Variants in CDH18 observed in about 807,000 individuals in gnomAD.
The protein encoded by CDH18 is cadherin-18.
CDH18 carries 31 observed loss-of-function variants against 67.9 expected under a neutral mutation model. The ratio of observed to expected loss-of-function variants is 0.46; its 90% CI spans 0.34 to 0.62. CDH18 has a LOEUF of 0.62. Ranked by LOEUF, CDH18 falls within the 20% of genes least tolerant of loss-of-function variation. The pLI, the probability that CDH18 is intolerant of heterozygous loss-of-function variation, is 0.01. For missense variants in CDH18, 890 were observed against 975.5 expected, an observed-to-expected ratio of 0.91 and a Z score of 1.17; for synonymous variants, 362 against 347.2, an observed-to-expected ratio of 1.04 and a Z score of -0.48.
At chr5:20,391,460 T>C (rs1202758412) in intron 1 of CDH18, among the ~76,000 whole-genome samples, 2 of 152,064 alleles carry the variant, frequency 1.3e-5, no homozygotes, top group African/African-American at 4.8e-5. Context: ...GACACATTAA[T>C]GTGCTATATA....
intron 2 of CDH18, among the ~76,000 whole-genome samples, chr5:19,946,622 T>A (rs1161111814): frequency 6.6e-6 from 1 of 152,172 alleles, no homozygotes; most frequent in Admixed American, 6.5e-5. Flanking sequence ...ATATCCAACA[T>A]GCTCCCAAGC....
At chr5:20,523,550 T>C (rs1755876241) in intron 1 of CDH18, among the ~76,000 whole-genome samples, 1 of 152,168 alleles carries the variant, frequency 6.6e-6, no homozygotes, top group South Asian at 2.1e-4. Flanking sequence ...GATCATAACT[T>C]ATTTTTTTTA....
intron 2 of CDH18, among the ~76,000 whole-genome samples, chr5:20,000,942 T>A (rs1736392587): frequency 6.6e-6 from 1 of 152,184 alleles, no homozygotes; most frequent in African/African-American, 2.4e-5. Flanking sequence ...TGTAACTTTA[T>A]ATGACTAATT....
chr5:20,116,787 A>G (rs774263415), intron 2 of CDH18, among the ~76,000 whole-genome samples: 10 of 152,204 alleles, frequency 6.6e-5, no homozygotes, highest in Non-Finnish European at 1.5e-4. Context: ...ATATGGAAAC[A>G]GGACTTAACT....
At chr5:19,943,898 T>G (rs1795062846) in intron 2 of CDH18, among the ~76,000 whole-genome samples, 1 of 152,042 alleles carries the variant, frequency 6.6e-6, no homozygotes, top group Non-Finnish European at 1.5e-5. Context: ...ATATAAGCAG[T>G]TTTTTTCTAA....
rs1274599741 is a variant in CDH18, at chr5:19,863,405, A to C, written c.-256-24163T>G. Among the ~76,000 whole-genome samples, 3 of 152,178 alleles carry C rather than the reference A, an allele frequency of 2.0e-5. No individual in the cohort carries two copies. The East Asian group carries it at 5.8e-4, about 29-fold the overall frequency. On this transcript the variant is annotated intron_variant, in intron 2 of 12. Coordinates refer to ENST00000382275, the MANE Select transcript of CDH18 (RefSeq NM_004934.5). The stretch of plus-strand genomic sequence containing the variant: ...CTATTGACCCAACACACTACAGGTG[A>C]GTGAATCCCAAATACTGGCAATCTC...
At chr5:20,385,051 G>T (rs1038208643) in intron 1 of CDH18, among the ~76,000 whole-genome samples, 13 of 152,070 alleles carry the variant, frequency 8.5e-5, no homozygotes, top group African/African-American at 1.9e-4. Flanking sequence ...TGGCCAGGCT[G>T]GTCTCGAGCT....
chr5:20,371,071 T>A (rs1742961433), intron 1 of CDH18, among the ~76,000 whole-genome samples: 1 of 150,186 alleles, frequency 6.7e-6, no homozygotes, highest in Non-Finnish European at 1.5e-5. Context: ...GTCCAGCCAA[T>A]GTATCATAGT....
At chr5:20,117,796 A>G (rs1475630754) in intron 2 of CDH18, among the ~76,000 whole-genome samples, 1 of 152,204 alleles carries the variant, frequency 6.6e-6, no homozygotes, top group Non-Finnish European at 1.5e-5. Flanking sequence ...GCACTTAATG[A>G]AAACACTGAA....
intron 2 of CDH18, among the ~76,000 whole-genome samples, chr5:19,921,374 A>G (rs1732512343): frequency 6.6e-6 from 1 of 152,084 alleles, no homozygotes; most frequent in Admixed American, 6.5e-5. Flanking sequence ...TACTAAAAAT[A>G]CAAATAATTA....
chr5:20,164,157 T>A (rs1337240752), intron 2 of CDH18, among the ~76,000 whole-genome samples: 1 of 152,218 alleles, frequency 6.6e-6, no homozygotes, highest in Non-Finnish European at 1.5e-5. Context: ...ATGTTGTTTA[T>A]CATACAGAAA....
chr5:20,569,873 TAA>T, intron 1 of CDH18, among the ~76,000 whole-genome samples: 1 of 152,026 alleles, frequency 6.6e-6, no homozygotes, highest in East Asian at 1.9e-4. Flanking sequence ...CCTCAAACCA[TAA>T]AAAGATATTG....
At chr5:20,539,929 C>G (rs1370957859) in intron 1 of CDH18, among the ~76,000 whole-genome samples, 3 of 152,102 alleles carry the variant, frequency 2.0e-5, no homozygotes, top group Non-Finnish European at 4.4e-5. Flanking sequence ...GTTTACTAAA[C>G]TCAAATTTGG....
At chr5:19,853,575 T>C (rs1783944854) in intron 2 of CDH18, among the ~76,000 whole-genome samples, 1 of 152,148 alleles carries the variant, frequency 6.6e-6, no homozygotes, top group Non-Finnish European at 1.5e-5. Flanking sequence ...AAGAAACCAC[T>C]GAAAGGGACT....
intron 5 of CDH18, among the ~76,000 whole-genome samples, chr5:19,666,141 C>T (rs1757885506): frequency 6.6e-6 from 1 of 151,542 alleles, no homozygotes; most frequent in African/African-American, 2.4e-5. Flanking sequence ...ATAAACATAG[C>T]TCCCTACAGC....
intron 1 of CDH18, among the ~76,000 whole-genome samples, chr5:20,280,229 T>C (rs913734322): frequency 6.6e-6 from 1 of 152,046 alleles, no homozygotes; most frequent in African/African-American, 2.4e-5. Context: ...TTTATTATAC[T>C]TTAAGTTTTA....
chr5:19,584,797 A>C (rs1277102068), intron 7 of CDH18, among the ~76,000 whole-genome samples: 1 of 148,368 alleles, frequency 6.7e-6, no homozygotes, highest in African/African-American at 2.5e-5. Flanking sequence ...AAAATACAAA[A>C]AAAAAAAAAA....
chr5:20,551,689 C>T (rs16886239), intron 1 of CDH18, among the ~76,000 whole-genome samples: 1,536 of 152,182 alleles, frequency 0.01, 20 homozygotes, highest in African/African-American at 0.035. Context: ...TCTCAGAATC[C>T]TACTCCTTGT....
At position 19,521,674 on chromosome 5, in the gene CDH18, A is replaced by T. The variant is rs563142843; in HGVS notation, c.1391-896T>A. Among the ~76,000 whole-genome samples the T allele has an allele frequency of 2.7e-4, 40 of 148,428 alleles. No individual in the cohort carries two copies. The South Asian group carries it at 8.9e-3, about 33-fold the overall frequency. ...TACTTATAGAGAAGTTATTCATGAT[A>T]GTAAGAAAATAGATGGGTTAAAAAG... is the stretch of plus-strand genomic sequence containing the variant. On this transcript the variant is annotated intron_variant, in intron 9 of 12. Coordinates refer to ENST00000382275, the MANE Select transcript of CDH18 (RefSeq NM_004934.5).
Sources: gnomAD v4.1 joint callset for allele counts (sites outside exome capture counted in the v4.1 genomes callset) on GRCh38, gnomAD v4.1.1 for gene constraint, MANE v1.5 for transcripts, NCBI Gene and HGNC (gene_info 2026-07-23, HGNC 2026-07-21) for gene names.